The following TBL1XR1 variants were observed in gnomAD, a reference collection of about 807,000 sequenced individuals.
TBL1XR1 encodes TBL1X/Y related 1.
In TBL1XR1, 5 loss-of-function variants were observed where a neutral mutation model predicts 66.9. The observed-to-expected ratio is 0.07, with a 90% CI of 0.04 to 0.16. The LOEUF is 0.16. Among genes scored for constraint, TBL1XR1 ranks in the 10% least tolerant of loss-of-function variants. The pLI is 1.00. For missense variants in TBL1XR1, 238 were observed against 623.2 expected, an observed-to-expected ratio of 0.38 and a Z score of 6.58; for synonymous variants, 210 against 206.0, an observed-to-expected ratio of 1.02 and a Z score of -0.17.
chr3:177,152,397 C>G (rs1270961519), intron 1 of TBL1XR1, among the ~76,000 whole-genome samples: 2 of 152,080 alleles, frequency 1.3e-5, no homozygotes, highest in Non-Finnish European at 2.9e-5. Flanking sequence ...CTCACTGCAA[C>G]GTCCGCCTCC....
At chr3:177,201,006 CA>C (rs956066738), upstream of TBL1XR1, among the ~76,000 whole-genome samples, 34 of 140,214 alleles carry the variant, frequency 2.4e-4, no homozygotes, top group Non-Finnish European at 3.1e-4. Context: ...GACTCCGTCT[CA>C]AAAAAAAAAA....
chr3:177,141,449 C>G (rs1935085658), intron 1 of TBL1XR1, among the ~76,000 whole-genome samples: 1 of 152,080 alleles, frequency 6.6e-6, no homozygotes, highest in African/African-American at 2.4e-5. Context: ...ATCAACAGAA[C>G]AGTATGCATA....
upstream of TBL1XR1, among the ~76,000 whole-genome samples, chr3:177,199,910 A>G (rs1737307895): frequency 6.6e-6 from 1 of 152,226 alleles, no homozygotes; most frequent in Non-Finnish European, 1.5e-5. Flanking sequence ...AATCCGTTGC[A>G]GTAAAATGTA....
rs552407936 is a variant in TBL1XR1, at chr3:177,129,361, G to C, written c.-121-30820C>G. 6.6e-4 allele frequency among the ~76,000 whole-genome samples: 100 copies of C among 152,196 alleles called. 1 individual carries two copies. In the South Asian group the frequency reaches 0.021, roughly 31 times the overall value. ...GCTTACAGAAAATAAAAATTTTAAA[G>C]CTTAAAACATTAAAAAGTGCTCAAC... On this transcript the variant is annotated intron_variant, in intron 1 of 15. Coordinates refer to ENST00000457928, the MANE Select transcript of TBL1XR1 (RefSeq NM_024665.7).
intron 2 of TBL1XR1, among the ~76,000 whole-genome samples, chr3:177,076,328 G>C (rs1034069383): frequency 7.9e-5 from 12 of 152,200 alleles, no homozygotes; most frequent in African/African-American, 2.7e-4. Context: ...CATCACTCTA[G>C]TCACTTTGCC....
chr3:177,136,452 G>A (rs1729009884), intron 1 of TBL1XR1, among the ~76,000 whole-genome samples: 1 of 152,104 alleles, frequency 6.6e-6, no homozygotes, highest in East Asian at 1.9e-4. Context: ...GCTAATTTCT[G>A]TACTTTTAGT....
chr3:177,074,866 C>T (rs755719723), intron 2 of TBL1XR1, among the ~76,000 whole-genome samples: 2 of 152,020 alleles, frequency 1.3e-5, no homozygotes, highest in Admixed American at 1.3e-4. Context: ...ATATTAAGTA[C>T]CTTAATATTT....
At chr3:177,150,412 A>G (rs916221238) in intron 1 of TBL1XR1, among the ~76,000 whole-genome samples, 1 of 152,206 alleles carries the variant, frequency 6.6e-6, no homozygotes, top group Non-Finnish European at 1.5e-5. Flanking sequence ...GAAATGCTCC[A>G]AGCAGGATGG....
At chr3:177,054,155 T>G (rs1206343310) in intron 3 of TBL1XR1, among the ~76,000 whole-genome samples, 1 of 152,126 alleles carries the variant, frequency 6.6e-6, no homozygotes, top group Non-Finnish European at 1.5e-5. Flanking sequence ...AAATTTCTAG[T>G]AAATACTTGA....
chr3:177,051,850 T>C, intron 4 of TBL1XR1, 124 bp from the exon 5 acceptor site: 1 of 1,221,490 alleles, frequency 8.2e-7, no homozygotes. Flanking sequence ...AGGAACTTTC[T>C]GAATTCATAT....
At chr3:177,103,574 A>G (rs1724497032) in intron 1 of TBL1XR1, among the ~76,000 whole-genome samples, 1 of 152,218 alleles carries the variant, frequency 6.6e-6, no homozygotes, top group African/African-American at 2.4e-5. Context: ...AGCAAATGAT[A>G]TATTTTGACT....
intron 1 of TBL1XR1, among the ~76,000 whole-genome samples, chr3:177,099,243 T>C (rs1368210712): frequency 6.6e-6 from 1 of 152,124 alleles, no homozygotes; most frequent in Non-Finnish European, 1.5e-5. Flanking sequence ...GGCGGGCACC[T>C]GTAATCCCAG....
At chr3:177,134,983 G>GTGTGTGTC (rs1728755255) in intron 1 of TBL1XR1, among the ~76,000 whole-genome samples, 6 of 145,486 alleles carry the variant, frequency 4.1e-5, no homozygotes, top group Admixed American at 3.4e-4. Flanking sequence ...GTGTGTCTGT[G>GTGTGTGTC]TGTGTGTGTT....
intron 2 of TBL1XR1, among the ~76,000 whole-genome samples, chr3:177,096,327 T>TACACACACACAC (rs1325905920): frequency 0.014 from 1,564 of 108,242 alleles, 25 homozygotes; most frequent in Admixed American, 0.047. Context: ...CACACTAACA[T>TACACACACACAC]ACATACATAC....
intron 1 of TBL1XR1, among the ~76,000 whole-genome samples, chr3:177,127,159 T>C (rs1560205126): frequency 6.6e-6 from 1 of 152,226 alleles, no homozygotes; most frequent in Non-Finnish European, 1.5e-5. Context: ...ACCCTTTGTG[T>C]TATTCTATGT....
At chr3:177,153,653 C>T (rs1038626400) in intron 1 of TBL1XR1, among the ~76,000 whole-genome samples, 18 of 152,084 alleles carry the variant, frequency 1.2e-4, no homozygotes, top group Middle Eastern at 3.4e-3. Flanking sequence ...TTTGGGAGGC[C>T]GGGGCGGGTG....
chr3:177,025,373 C>T lies in TBL1XR1; in HGVS notation c.*125G>A, dbSNP rs942164013. 3.1e-5 allele frequency: 29 copies of T among 931,692 alleles called. No homozygotes were observed. Among genetic ancestry groups the T allele is most frequent in the African/African-American group, 5.0e-5 (3 of 59,674 alleles). The allele number at this position is 931,692 out of a possible 1,614,324, so 57.7% of individuals were successfully genotyped here. A position where few individuals can be genotyped will look rare whatever the true frequency, so the allele number is the denominator to read the frequency against. On this transcript the variant is annotated 3_prime_UTR_variant, in exon 16 of 16. Coordinates refer to ENST00000457928, the MANE Select transcript of TBL1XR1 (RefSeq NM_024665.7). ...TTATATACACTGTATGTATATATTT[C>T]TTTTAGATTTGGCTGTAGTGGACTG...
chr3:177,183,988 TGAG>T (rs147450532), intron 1 of TBL1XR1, among the ~76,000 whole-genome samples: 5,143 of 152,004 alleles, frequency 0.034, 219 homozygotes, highest in African/African-American at 0.1. Flanking sequence ...CTGTTACTGC[TGAG>T]AAGAGGGCCA....
At chr3:177,193,917 A>G (rs1736489636) in intron 1 of TBL1XR1, 2 of 152,332 alleles carry the variant, frequency 1.3e-5, no homozygotes, top group South Asian at 4.1e-4. Context: ...ATCATCCACA[A>G]AAAAAGCCCA....
Sources: allele counts gnomAD v4.1 joint callset (sites outside exome capture counted in the v4.1 genomes callset), GRCh38; gene constraint gnomAD v4.1.1; transcripts MANE v1.5; gene names NCBI Gene and HGNC (gene_info 2026-07-23, HGNC 2026-07-21).